Variants in PTPRT observed in about 807,000 individuals in gnomAD.
The protein encoded by PTPRT is receptor-type tyrosine-protein phosphatase T.
In PTPRT, 56 loss-of-function variants were observed where a neutral mutation model predicts 176.8. The observed-to-expected ratio is 0.32, with a 90% CI of 0.26 to 0.40. The LOEUF (loss-of-function observed/expected upper bound fraction) is 0.40, where lower values mean the gene tolerates loss of function less well. PTPRT is among the 10% of genes least tolerant of loss of function. The probability of loss-of-function intolerance (pLI) is 1.00; values close to 1 mark genes in which losing one functional copy is unlikely to be tolerated. For missense variants in PTPRT, 1,540 were observed against 1,908.2 expected, an observed-to-expected ratio of 0.81 and a Z score of 3.60; for synonymous variants, 783 against 739.0, an observed-to-expected ratio of 1.06 and a Z score of -0.96.
chr20:42,236,318 C>T (rs1377147884), intron 14 of PTPRT, 60 bp from the exon 15 acceptor site: 53 of 1,325,202 alleles, frequency 4.0e-5, no homozygotes, highest in Non-Finnish European at 5.7e-5. Flanking sequence ...AAAGAAAAGA[C>T]AAACAAACAA....
chr20:42,056,419 A>C, the PTPRT span, among the ~76,000 whole-genome samples: 37 of 152,326 alleles, frequency 2.4e-4, no homozygotes, highest in Admixed American at 1.3e-3. Flanking sequence ...TAGATAGGTG[A>C]GATGGAGGGC....
chr20:42,573,126 G>T (rs2073188420), intron 7 of PTPRT, among the ~76,000 whole-genome samples: 1 of 152,270 alleles, frequency 6.6e-6, no homozygotes, highest in Admixed American at 6.5e-5. Flanking sequence ...AATGTTGTAG[G>T]AATTGGGCAA....
intron 7 of PTPRT, among the ~76,000 whole-genome samples, chr20:42,655,484 C>T (rs1480117820): frequency 2.0e-5 from 3 of 152,162 alleles, no homozygotes; most frequent in Non-Finnish European, 4.4e-5. Flanking sequence ...GAGCAAGACT[C>T]CATCTTTTTA....
intron 9 of PTPRT, among the ~76,000 whole-genome samples, chr20:42,373,124 A>G (rs1269763176): frequency 6.6e-6 from 1 of 152,240 alleles, no homozygotes; most frequent in Non-Finnish European, 1.5e-5. Flanking sequence ...TAGGCTCTGC[A>G]GTATACATTG....
At chr20:42,991,035 G>A (rs756713211) in intron 1 of PTPRT, among the ~76,000 whole-genome samples, 27 of 152,214 alleles carry the variant, frequency 1.8e-4, no homozygotes, top group East Asian at 1.3e-3. Flanking sequence ...AGGTCATTTC[G>A]ACCTTGTGGA....
At chr20:43,146,432 G>T (rs1004504292) in intron 1 of PTPRT, among the ~76,000 whole-genome samples, 1 of 152,112 alleles carries the variant, frequency 6.6e-6, no homozygotes, top group African/African-American at 2.4e-5. Flanking sequence ...TGCATAAGAT[G>T]ATTCTGTGTT....
chr20:43,047,940 C>T (rs1412578329), intron 1 of PTPRT, among the ~76,000 whole-genome samples: 2 of 152,192 alleles, frequency 1.3e-5, no homozygotes, highest in African/African-American at 4.8e-5. Flanking sequence ...CACCATGACA[C>T]ACTGCAGCCT....
chr20:42,929,712 AG>A (rs1297146307), intron 1 of PTPRT, among the ~76,000 whole-genome samples: 1 of 152,238 alleles, frequency 6.6e-6, no homozygotes, highest in Non-Finnish European at 1.5e-5. Context: ...AAAATAGCGG[AG>A]AACATTTTCC....
intron 1 of PTPRT, among the ~76,000 whole-genome samples, chr20:43,028,864 G>A (rs991731446): frequency 2.3e-4 from 35 of 152,190 alleles, no homozygotes; most frequent in Non-Finnish European, 5.9e-5. Context: ...TAAGTGAAAT[G>A]GAACAACAGG....
At chr20:43,085,312 G>A (rs1361878717) in intron 1 of PTPRT, among the ~76,000 whole-genome samples, 1 of 152,124 alleles carries the variant, frequency 6.6e-6, no homozygotes, top group East Asian at 1.9e-4. Context: ...AAGGTGTATG[G>A]CATTCAAGTA....
chr20:42,339,185 T>G (rs527893978), intron 11 of PTPRT, among the ~76,000 whole-genome samples: 1 of 152,342 alleles, frequency 6.6e-6, no homozygotes, highest in Non-Finnish European at 1.5e-5. Context: ...ATATTCAGCC[T>G]CATCAAACAT....
intron 1 of PTPRT, among the ~76,000 whole-genome samples, chr20:43,108,389 C>T (rs547527758): frequency 5.9e-5 from 9 of 152,160 alleles, no homozygotes; most frequent in South Asian, 2.1e-4. Flanking sequence ...CTTTGGAAGA[C>T]GCCAATCCCA....
intron 9 of PTPRT, among the ~76,000 whole-genome samples, chr20:42,371,106 G>A (rs2058580800): frequency 6.6e-6 from 1 of 152,202 alleles, no homozygotes; most frequent in African/African-American, 2.4e-5. Flanking sequence ...CAACTTGCAG[G>A]AGCATTGTTC....
chr20:42,239,480 G>T (rs2146873762), intron 14 of PTPRT, among the ~76,000 whole-genome samples: 1 of 145,096 alleles, frequency 6.9e-6, no homozygotes, highest in African/African-American at 2.6e-5. Flanking sequence ...GAGTGCAGTG[G>T]CGCGTGATCT....
chr20:43,095,639 TGA>T (rs2012104177), intron 1 of PTPRT, among the ~76,000 whole-genome samples: 1 of 147,676 alleles, frequency 6.8e-6, no homozygotes. Flanking sequence ...TCTCTCTCCC[TGA>T]CTCTCTCCCA....
chr20:42,251,819 A>G (rs1334054398), intron 13 of PTPRT, among the ~76,000 whole-genome samples: 1 of 152,144 alleles, frequency 6.6e-6, no homozygotes, highest in African/African-American at 2.4e-5. Flanking sequence ...ATGAGTCCAC[A>G]CAGGATATTA....
intron 1 of PTPRT, among the ~76,000 whole-genome samples, chr20:42,888,333 C>A (rs989584156): frequency 6.6e-6 from 1 of 150,746 alleles, no homozygotes; most frequent in Non-Finnish European, 1.5e-5. Context: ...GTGTGTCATA[C>A]CTCAACACAG....
At chr20:43,020,023 T>C (rs206148) in intron 1 of PTPRT, among the ~76,000 whole-genome samples, 106,388 of 150,928 alleles carry the variant, frequency 0.7, 39,482 homozygotes, top group South Asian at 0.9. Flanking sequence ...GCCTCCATAA[T>C]TGAGTGAGTG....
chr20:42,206,574 C>T (rs1322752639), intron 15 of PTPRT, among the ~76,000 whole-genome samples: 2 of 152,174 alleles, frequency 1.3e-5, no homozygotes, highest in African/African-American at 2.4e-5. Flanking sequence ...GCATTTCCGA[C>T]GGGCTTAAAA....
Sources: gnomAD v4.1 joint callset for allele counts (sites outside exome capture counted in the v4.1 genomes callset) on GRCh38, gnomAD v4.1.1 for gene constraint, MANE v1.5 for transcripts, NCBI Gene and HGNC (gene_info 2026-07-23, HGNC 2026-07-21) for gene names.